The following VPS26A variants were observed in gnomAD, a reference collection of about 807,000 sequenced individuals.
VPS26A encodes the protein VPS26 retromer complex component A.
In VPS26A, 22 loss-of-function variants were observed where a neutral mutation model predicts 42.4. That is an observed-to-expected ratio of 0.52 (90% CI 0.37 to 0.74). The LOEUF (loss-of-function observed/expected upper bound fraction) is 0.74, where lower values mean the gene tolerates loss of function less well. Among genes scored for constraint, VPS26A ranks in the 30% least tolerant of loss-of-function variants. The probability of loss-of-function intolerance (pLI) is 0.00; values close to 1 mark genes in which losing one functional copy is unlikely to be tolerated. For missense variants in VPS26A, 276 were observed against 379.2 expected, an observed-to-expected ratio of 0.73 and a Z score of 2.26; for synonymous variants, 110 against 123.5, an observed-to-expected ratio of 0.89 and a Z score of 0.73.
intron 2 of VPS26A, 24 bp downstream of exon 2, chr10:69,133,071 TA>T (rs1194738172): frequency 6.3e-6 from 10 of 1,599,430 alleles, no homozygotes; most frequent in Non-Finnish European, 8.5e-6. Flanking sequence ...TTGACAAAAC[TA>T]TCTAATTGTA....
chr10:69,157,202 C>T (rs745777304), intron 4 of VPS26A, 39 bp downstream of exon 4: 31 of 1,566,544 alleles, frequency 2.0e-5, no homozygotes, highest in Admixed American at 5.7e-5. Flanking sequence ...AGAATCAAAA[C>T]CAGAAAGTAA....
At chr10:69,141,907 T>G (rs1176221490) in intron 2 of VPS26A, among the ~76,000 whole-genome samples, 2 of 152,090 alleles carry the variant, frequency 1.3e-5, no homozygotes, top group East Asian at 3.9e-4. Flanking sequence ...TTTTTTGAGA[T>G]GCAGTCTTGC....
At chr10:69,133,561 G>C in intron 2 of VPS26A, 1 of 1,289,320 alleles carries the variant, frequency 7.8e-7, no homozygotes, top group Non-Finnish European at 1.0e-6. Flanking sequence ...AGTACTTTTG[G>C]GATGTGTCTA....
At chr10:69,130,495 A>G (rs559946198) in intron 1 of VPS26A, among the ~76,000 whole-genome samples, 1 of 152,390 alleles carries the variant, frequency 6.6e-6, no homozygotes, top group South Asian at 2.1e-4. Context: ...GACTAGTGTC[A>G]GATATATGTA....
intron 1 of VPS26A, among the ~76,000 whole-genome samples, chr10:69,128,006 T>A (rs532592757): frequency 2.8e-4 from 42 of 152,220 alleles, no homozygotes; most frequent in Admixed American, 1.0e-3. Flanking sequence ...CTACTTTTTT[T>A]AAAATTATGA....
intron 1 of VPS26A, among the ~76,000 whole-genome samples, chr10:69,127,145 C>T (rs569461246): frequency 2.6e-4 from 35 of 132,612 alleles, no homozygotes; most frequent in Non-Finnish European, 4.7e-4. Flanking sequence ...GGGGTTTCGC[C>T]ATGTTGGCCA....
intron 5 of VPS26A, chr10:69,161,880 T>G (rs1589363026): frequency 4.4e-6 from 1 of 229,616 alleles, no homozygotes; most frequent in Non-Finnish European, 9.0e-6. Context: ...CCCTTATACC[T>G]CCAGCAGCAA....
chr10:69,129,114 C>G (rs1440287377), intron 1 of VPS26A, among the ~76,000 whole-genome samples: 2 of 151,472 alleles, frequency 1.3e-5, no homozygotes, highest in Non-Finnish European at 2.9e-5. Context: ...TTATTGCTCT[C>G]TCTGCCAATT....
chr10:69,151,272 A>AAAAAAAAAAAAAAAAC (rs1564680860), intron 2 of VPS26A, among the ~76,000 whole-genome samples: 21 of 81,654 alleles, frequency 2.6e-4, no homozygotes, highest in African/African-American at 6.0e-4. Flanking sequence ...GTCAAAAAAA[A>AAAAAAAAAAAAAAAAC]AAAAAAAAAA....
intron 6 of VPS26A, among the ~76,000 whole-genome samples, chr10:69,165,491 A>G (rs1841664485): frequency 6.6e-6 from 1 of 152,142 alleles, no homozygotes; most frequent in South Asian, 2.1e-4. Flanking sequence ...TGTTGTTTCA[A>G]ACAACTTCAA....
intron 1 of VPS26A, among the ~76,000 whole-genome samples, chr10:69,129,751 C>A (rs1175179544): frequency 6.6e-6 from 1 of 152,098 alleles, no homozygotes; most frequent in Non-Finnish European, 1.5e-5. Context: ...TCTCGAACTC[C>A]TGACCTTGTG....
chr10:69,129,515 G>C (rs546005138), intron 1 of VPS26A, among the ~76,000 whole-genome samples: 1 of 151,476 alleles, frequency 6.6e-6, no homozygotes, highest in Non-Finnish European at 1.5e-5. Flanking sequence ...TTGTAATTTT[G>C]CCAGAAAAGA....
chr10:69,168,596 G>C lies in VPS26A; in HGVS notation c.835G>C (p.Val279Leu). Residue 279 changes from valine (V) to leucine (L), a missense_variant, in exon 8 of 9, where the codon GTT becomes CTT. Val to Leu is a conservative substitution (Grantham distance 32). Transcript: ENST00000263559. ...AAGGTACTTTTTGAATTTAGTGCTT[G>C]TTGATGAGGAAGACCGGAGGTACTT... ...SVRYFLNLVL[V>L]DEEDRRYFKQ... 1 of 1,614,132 alleles carries C rather than the reference G, an allele frequency of 6.2e-7. No homozygotes were observed. The highest frequency in any genetic ancestry group is 8.5e-7 in the Non-Finnish European group (1 of 1,180,006).
chr10:69,137,109 T>A, intron 2 of VPS26A, among the ~76,000 whole-genome samples: 1 of 152,192 alleles, frequency 6.6e-6, no homozygotes, highest in Non-Finnish European at 1.5e-5. Flanking sequence ...TTTTAAAAAA[T>A]AATAACTTGG....
intron 2 of VPS26A, among the ~76,000 whole-genome samples, chr10:69,135,147 A>C (rs1840876437): frequency 6.6e-6 from 1 of 152,330 alleles, no homozygotes; most frequent in South Asian, 2.1e-4. Context: ...TGACATGTAA[A>C]TATCTCTCCT....
chr10:69,126,135 C>A (rs1840647786), intron 1 of VPS26A, among the ~76,000 whole-genome samples: 1 of 152,064 alleles, frequency 6.6e-6, no homozygotes, highest in African/African-American at 2.4e-5. Flanking sequence ...TTGAAGATAT[C>A]TTTACCAAAA....
intron 2 of VPS26A, among the ~76,000 whole-genome samples, chr10:69,141,497 C>A (rs1235871851): frequency 2.6e-5 from 4 of 152,204 alleles, no homozygotes; most frequent in Admixed American, 2.0e-4. Context: ...TAGAAACAGT[C>A]TTGTTCGTAC....
In VPS26A at chr10:69,124,195, C is replaced by A; in HGVS notation, c.-83C>A. 3 of 1,254,328 alleles carry A rather than the reference C, an allele frequency of 2.4e-6. No homozygotes were observed. The highest frequency in any genetic ancestry group is 3.0e-6 in the Non-Finnish European group (3 of 991,362). 77.7% of individuals were successfully genotyped at this position (1,254,328 alleles called of 1,614,324 possible). ...GGCGGCCCGAGGTCACGTGACGGAG[C>A]GCCGGAGCGGAGGGAGCCGGGGCTG... On this transcript the variant is annotated 5_prime_UTR_variant, in exon 1 of 9. Coordinates refer to ENST00000263559, the MANE Select transcript of VPS26A (RefSeq NM_004896.5).
At chr10:69,160,447 C>T (rs571332773) in intron 5 of VPS26A, among the ~76,000 whole-genome samples, 17 of 151,268 alleles carry the variant, frequency 1.1e-4, no homozygotes, top group South Asian at 2.1e-4. Flanking sequence ...CATGAGCCAC[C>T]GCGCCCAACA....
Sources: allele counts gnomAD v4.1 joint callset (sites outside exome capture counted in the v4.1 genomes callset), GRCh38; gene constraint gnomAD v4.1.1; transcripts MANE v1.5; gene names NCBI Gene and HGNC (gene_info 2026-07-23, HGNC 2026-07-21).